Variants in ZNF718 observed in about 807,000 individuals in gnomAD.
ZNF718 encodes zinc finger protein 718.
Under a neutral mutation model 2.6 loss-of-function variants are expected in ZNF718, and 3 were observed. The ratio of observed to expected loss-of-function variants is 1.16; its 90% confidence interval spans 0.53 to 3.01. ZNF718 has a LOEUF of 3.01. Among genes scored for constraint, ZNF718 ranks in the 30% most tolerant of loss-of-function variants. The pLI is 0.03. For missense variants in ZNF718, 468 were observed against 230.0 expected, an observed-to-expected ratio of 2.03 and a Z score of -6.69; for synonymous variants, 135 against 77.9, an observed-to-expected ratio of 1.73 and a Z score of -3.86.
At chr4:153,044 T>A (rs1425457205) in intron 3 of ZNF718, among the ~76,000 whole-genome samples, 1 of 151,506 alleles carries the variant, frequency 6.6e-6, no homozygotes, top group African/African-American at 2.4e-5. Context: ...TATGTTTGGG[T>A]TTCCCAAACA....
At chr4:167,680 G>T (rs140262800), downstream of ZNF718, among the ~76,000 whole-genome samples, 1,894 of 152,072 alleles carry the variant, frequency 0.012, 44 homozygotes, top group African/African-American at 0.043. Flanking sequence ...AGAACGCTTG[G>T]GATTTTTGCA....
intron 3 of ZNF718, among the ~76,000 whole-genome samples, chr4:172,134 A>C (rs1290982560): frequency 6.6e-6 from 1 of 152,148 alleles, no homozygotes; most frequent in African/African-American, 2.4e-5. Flanking sequence ...AAATTTTCTG[A>C]ACTTAGTCAA....
intron 3 of ZNF718, among the ~76,000 whole-genome samples, chr4:174,293 C>T (rs1717305573): frequency 6.6e-6 from 1 of 152,128 alleles, no homozygotes; most frequent in Admixed American, 6.6e-5. Context: ...TTTTGTGGCC[C>T]TTATTCCAAA....
At chr4:173,135 T>G (rs1432763730) in intron 3 of ZNF718, among the ~76,000 whole-genome samples, 1 of 152,176 alleles carries the variant, frequency 6.6e-6, no homozygotes, top group African/African-American at 2.4e-5. Flanking sequence ...GAAATTGCCC[T>G]TTGGTACTGA....
At position 161,055 on chromosome 4, in the gene ZNF718, C is replaced by T. The variant is rs1405844443; in HGVS notation, c.370C>T (p.Gln124Ter). ...TCKSINECKV[Q>*]KGGYNRINQC... ...TAAAAGTATAAATGAGTGTAAGGTG[C>T]AGAAAGGTGGTTATAATAGAATTAA... is the stretch of plus-strand genomic sequence containing the variant. The change falls in exon 4 of 4, where the codon CAG becomes TAG. Residue 124 changes from glutamine to a stop codon, truncating the protein, a stop_gained. Coordinates refer to ENST00000510175, the MANE Select transcript of ZNF718 (RefSeq NM_001039127.6). LOFTEE classifies it low-confidence loss of function (END_TRUNC). The T allele has an allele frequency of 1.3e-6, 1 of 779,844 alleles. No homozygotes were observed. Among genetic ancestry groups the T allele is most frequent in the African/African-American group, 1.7e-5 (1 of 59,050 alleles). The allele number at this position is 779,844 out of a possible 1,614,324, so 48.3% of individuals were successfully genotyped here.
chr4:197,630 C>A (rs1233544165), intron 3 of ZNF718, among the ~76,000 whole-genome samples: 1 of 152,164 alleles, frequency 6.6e-6, no homozygotes, highest in Non-Finnish European at 1.5e-5. Flanking sequence ...AGCTACAGAG[C>A]CTCACTTTCT....
At chr4:174,726 T>C (rs781848153) in intron 3 of ZNF718, among the ~76,000 whole-genome samples, 2 of 152,188 alleles carry the variant, frequency 1.3e-5, no homozygotes, top group Non-Finnish European at 2.9e-5. Flanking sequence ...AATCTCATAG[T>C]AGAATAGAAA....
intron 3 of ZNF718, among the ~76,000 whole-genome samples, chr4:133,476 T>A (rs577732516): frequency 6.6e-5 from 10 of 152,214 alleles, no homozygotes; most frequent in Admixed American, 5.9e-4. Flanking sequence ...TCTTTTAATT[T>A]TGTCTTATTT....
At chr4:174,934 G>A (rs11731353) in intron 3 of ZNF718, among the ~76,000 whole-genome samples, 26 of 152,134 alleles carry the variant, frequency 1.7e-4, no homozygotes, top group African/African-American at 5.3e-4. Flanking sequence ...AACTAATCGA[G>A]CTATTAAAAG....
intron 1 of ZNF718, among the ~76,000 whole-genome samples, chr4:126,308 C>T (rs555141805): frequency 6.6e-6 from 1 of 152,324 alleles, no homozygotes; most frequent in African/African-American, 2.4e-5. Flanking sequence ...TTGCTCTTCT[C>T]CCTTTTCTTA....
At chr4:200,952 G>A (rs574483043) in intron 3 of ZNF718, 26 of 152,558 alleles carry the variant, frequency 1.7e-4, no homozygotes, top group African/African-American at 5.1e-4. Context: ...TATAATTAAC[G>A]TTAAAAAAGA....
chr4:154,216 C>T (rs981161979), intron 3 of ZNF718, among the ~76,000 whole-genome samples: 2 of 152,154 alleles, frequency 1.3e-5, no homozygotes, highest in Admixed American at 6.5e-5. Flanking sequence ...TCCATTAAAC[C>T]TCTTTTTCTT....
At chr4:124,895 C>T (rs544923375) in intron 1 of ZNF718, 3 of 530,632 alleles carry the variant, frequency 5.7e-6, no homozygotes, top group South Asian at 2.1e-5. Flanking sequence ...CTGCACTTTC[C>T]CCGGGCTGTG....
chr4:166,721 G>GTCTAATTTTTTTTCAAGGTT (rs1717096438), downstream of ZNF718, among the ~76,000 whole-genome samples: 1 of 151,960 alleles, frequency 6.6e-6, no homozygotes. Context: ...TTGTAAATTT[G>GTCTAATTTTTTTTCAAGGTT]TTTGAGTTCT....
chr4:190,103 C>T (rs1273406377), intron 3 of ZNF718, among the ~76,000 whole-genome samples: 2 of 152,030 alleles, frequency 1.3e-5, no homozygotes, highest in Non-Finnish European at 2.9e-5. Flanking sequence ...TTTAGTATCA[C>T]AGTACTCCTG....
chr4:161,127 T>C lies in ZNF718; in HGVS notation c.442T>C (p.Cys148Arg). The C allele has an allele frequency of 1.3e-6, 1 of 758,216 alleles. No homozygotes were observed. The highest frequency in any genetic ancestry group is 2.3e-4 in the Middle Eastern group (1 of 4,394). The allele number at this position is 758,216 out of a possible 1,614,324, so 47.0% of individuals were successfully genotyped here. The change falls in exon 4 of 4, where the codon TGT becomes CGT. Residue 148 changes from cysteine to arginine, a missense_variant. Coordinates refer to ENST00000510175, the MANE Select transcript of ZNF718 (RefSeq NM_001039127.6). ...GAAAAAAACAATTCAATCTAATATA[T>C]GTGTCAAAGTTTTTCATAAATTTTC... ...TQKKTIQSNI[C>R]VKVFHKFSNS...
At chr4:176,792 C>G (rs1717353657) in intron 3 of ZNF718, among the ~76,000 whole-genome samples, 1 of 152,196 alleles carries the variant, frequency 6.6e-6, no homozygotes, top group Non-Finnish European at 1.5e-5. Context: ...GAAAAATAGA[C>G]TCATTCTCTT....
intron 3 of ZNF718, among the ~76,000 whole-genome samples, chr4:152,955 T>C (rs1208110787): frequency 1.7e-5 from 2 of 120,020 alleles, no homozygotes; most frequent in Non-Finnish European, 3.8e-5. Flanking sequence ...GATTTTTACA[T>C]GTACTTTGAG....
chr4:144,877 G>T (rs539181131), intron 3 of ZNF718, among the ~76,000 whole-genome samples: 19 of 152,048 alleles, frequency 1.2e-4, no homozygotes, highest in African/African-American at 4.6e-4. Flanking sequence ...AGTTCTAATG[G>T]TGTTTTAGTG....
Sources: gnomAD v4.1 joint callset for allele counts (sites outside exome capture counted in the v4.1 genomes callset) on GRCh38, gnomAD v4.1.1 for gene constraint, MANE v1.5 for transcripts, NCBI Gene and HGNC (gene_info 2026-07-23, HGNC 2026-07-21) for gene names.